Variants in ZNF430 observed in about 807,000 individuals in gnomAD.
ZNF430 encodes zinc finger protein 430.
Under a neutral mutation model 56.7 loss-of-function variants are expected in ZNF430, and 35 were observed. The ratio of observed to expected loss-of-function variants is 0.62; its 90% CI spans 0.47 to 0.82. The LOEUF is 0.82. Ranked by LOEUF, ZNF430 falls within the 40% of genes least tolerant of loss-of-function variation. The pLI is 0.00. For synonymous variants in ZNF430, 212 were observed against 224.3 expected, an observed-to-expected ratio of 0.94 and a Z score of 0.49; for missense variants, 574 against 661.0, an observed-to-expected ratio of 0.87 and a Z score of 1.44.
chr19:21,037,925 A>G (rs1968032784), intron 4 of ZNF430, among the ~76,000 whole-genome samples: 1 of 151,790 alleles, frequency 6.6e-6, no homozygotes, highest in Admixed American at 6.6e-5. Context: ...AAGTTATTTA[A>G]CTTAGTTTTA....
At position 21,057,170 on chromosome 19, in the gene ZNF430, C is replaced by A. The variant is rs140497898; in HGVS notation, c.862C>A (p.Pro288Thr). ...THKIIHTGEKPYRCEECGKTF... is the reference protein window; with the variant it reads ...THKIIHTGEKTYRCEECGKTF... ...TAAGATAATTCATACTGGAGAGAAA[C>A]CCTACAGATGTGAAGAATGTGGCAA... The change falls in exon 5 of 5, where the codon CCC becomes ACC. Residue 288 changes from proline to threonine, a missense_variant. Physicochemically the swap from Pro to Thr is conservative, Grantham distance 38. Around this residue, in one of 3 missense-constraint regions of ZNF430, gnomAD observed 346 missense variants for 399.1 expected, o/e 0.87. Transcript: ENST00000261560. The A allele has an allele frequency of 6.2e-7, 1 of 1,613,548 alleles. No individual in the cohort carries two copies. Among genetic ancestry groups the A allele is most frequent in the Non-Finnish European group, 8.5e-7 (1 of 1,179,934 alleles).
At chr19:21,038,167 T>C (rs1302947770) in intron 4 of ZNF430, among the ~76,000 whole-genome samples, 1 of 152,156 alleles carries the variant, frequency 6.6e-6, no homozygotes, top group Non-Finnish European at 1.5e-5. Context: ...TCTAAGAGAC[T>C]TATTAGTTTT....
Position 21,057,814 on chromosome 19 carries a change from A to G in ZNF430, c.1506A>G (p.Lys502=), listed in dbSNP as rs760603223. ...KAFNQFSNLT[K]HKITHIGDTS... ...TTAACCAATTCTCAAACCTTACTAA[A>G]CATAAGATAACTCATATTGGAGATA... The change falls in exon 5 of 5, where the codon AAA becomes AAG. Residue 502 remains lysine (K), a synonymous_variant. Coordinates refer to ENST00000261560, the MANE Select transcript of ZNF430 (RefSeq NM_025189.4). 3 of 1,613,984 alleles carry G rather than the reference A, an allele frequency of 1.9e-6. No individual in the cohort carries two copies. The highest frequency in any genetic ancestry group is 2.7e-5 in the African/African-American group (2 of 74,946).
chr19:21,058,210 T>C lies in ZNF430; in HGVS notation c.*189T>C. 1.7e-6 allele frequency: 1 copy of C among 581,586 alleles called. No individual in the cohort carries two copies. Among genetic ancestry groups the C allele is most frequent in the Non-Finnish European group, 3.0e-6 (1 of 334,604 alleles). The allele number at this position is 581,586 out of a possible 1,614,324, so 36.0% of individuals were successfully genotyped here. Reference sequence around the variant, plus strand: ...CTGTAATCCCAGCACTTTGGGAGGCTGAGACGGGTGAATTACATGAGGTTG... The same window carrying C: ...CTGTAATCCCAGCACTTTGGGAGGCCGAGACGGGTGAATTACATGAGGTTG... On this transcript the variant is annotated 3_prime_UTR_variant, in exon 5 of 5. Coordinates refer to ENST00000261560, the MANE Select transcript of ZNF430 (RefSeq NM_025189.4).
At position 21,058,221 on chromosome 19, in the gene ZNF430, A is replaced by G; in HGVS notation, c.*200A>G. ...GCACTTTGGGAGGCTGAGACGGGTG[A>G]ATTACATGAGGTTGGGAGTTCGAGA... On this transcript the variant is annotated 3_prime_UTR_variant, in exon 5 of 5. Transcript: ENST00000261560. 1.8e-6 allele frequency: 1 copy of G among 567,378 alleles called. No individual in the cohort carries two copies. The highest frequency in any genetic ancestry group is 3.1e-6 in the Non-Finnish European group (1 of 324,558). The allele number at this position is 567,378 out of a possible 1,614,324, so 35.1% of individuals were successfully genotyped here. A position where few individuals can be genotyped will look rare whatever the true frequency, so the allele number is the denominator to read the frequency against.
At chr19:21,055,641 A>C (rs1167884282) in intron 4 of ZNF430, among the ~76,000 whole-genome samples, 1 of 151,974 alleles carries the variant, frequency 6.6e-6, no homozygotes, top group Non-Finnish European at 1.5e-5. Context: ...TTTAGTAGAG[A>C]TGGAGTTTCA....
intron 2 of ZNF430, among the ~76,000 whole-genome samples, chr19:21,029,109 A>G (rs1967856102): frequency 6.6e-6 from 1 of 152,230 alleles, no homozygotes; most frequent in African/African-American, 2.4e-5. Flanking sequence ...CAGATAAAGT[A>G]ATTGTTTTCA....
chr19:21,056,334 C>A (rs1968376402), intron 4 of ZNF430, among the ~76,000 whole-genome samples: 1 of 151,948 alleles, frequency 6.6e-6, no homozygotes, highest in Non-Finnish European at 1.5e-5. Context: ...ACTAAAAATA[C>A]AAAAATTAGC....
chr19:21,020,663 C>CA lies in ZNF430; in HGVS notation c.-138_-137insA, dbSNP rs1974279138. The CA allele has an allele frequency of 7.6e-7, 1 of 1,314,176 alleles. No homozygotes were observed. Among genetic ancestry groups the CA allele is most frequent in the African/African-American group, 1.5e-5 (1 of 65,732 alleles). The allele number at this position is 1,314,176 out of a possible 1,614,324, so 81.4% of individuals were successfully genotyped here. A position where few individuals can be genotyped will look rare whatever the true frequency, so the allele number is the denominator to read the frequency against. ...CGGGTTTGGCGGGGCCTTTGTCCCT[C>CA]GCTGTGGCCTGAGCTCCAGGTCTCG... On this transcript the variant is annotated 5_prime_UTR_variant, in exon 1 of 5. Transcript: ENST00000261560.
chr19:21,041,785 C>G (rs910036827), intron 4 of ZNF430, among the ~76,000 whole-genome samples: 4 of 152,334 alleles, frequency 2.6e-5, no homozygotes, highest in Admixed American at 1.3e-4. Context: ...ATGATCTCAG[C>G]TCACTGCAAA....
At chr19:21,026,078 C>T (rs59609198) in intron 2 of ZNF430, 5,074 of 275,800 alleles carry the variant, frequency 0.018, 247 homozygotes, top group African/African-American at 0.11. Context: ...CGGGGTTTCA[C>T]CATGTTGACC....
intron 4 of ZNF430, among the ~76,000 whole-genome samples, chr19:21,044,024 A>G (rs544710199): frequency 1.3e-5 from 2 of 150,530 alleles, no homozygotes; most frequent in African/African-American, 4.9e-5. Context: ...ATATGGGATC[A>G]TGTCATCTGC....
chr19:21,033,472 G>A lies in ZNF430; in HGVS notation c.113G>A (p.Arg38Lys). ...SFYEKGPLTF[R>K]DVAIEFSLEE... ...GTTTTTCAGGGGCCATTGACATTTA[G>A]GGATGTGGCCATAGAATTTTCTCTG... The change falls in exon 3 of 5, where the codon AGG (arginine) becomes AAG (lysine). Residue 38 changes from arginine (R) to lysine (K), a missense_variant. Around this residue, in one of 3 missense-constraint regions of ZNF430, gnomAD observed 346 missense variants for 399.1 expected, o/e 0.87. Coordinates refer to ENST00000261560, the MANE Select transcript of ZNF430 (RefSeq NM_025189.4). 6.2e-7 allele frequency: 1 copy of A among 1,610,878 alleles called. No homozygotes were observed. The highest frequency in any genetic ancestry group is 8.5e-7 in the Non-Finnish European group (1 of 1,178,492).
At chr19:21,040,397 T>G (rs1047674641) in intron 4 of ZNF430, among the ~76,000 whole-genome samples, 1 of 152,188 alleles carries the variant, frequency 6.6e-6, no homozygotes, top group Non-Finnish European at 1.5e-5. Context: ...ATTCTTTTAG[T>G]AATCAGAAAG....
chr19:21,033,068 A>T (rs1967931277), intron 2 of ZNF430, among the ~76,000 whole-genome samples: 1 of 152,020 alleles, frequency 6.6e-6, no homozygotes, highest in Non-Finnish European at 1.5e-5. Flanking sequence ...GTGAAAAATT[A>T]TTGGGGCCGG....
In ZNF430 at chr19:21,033,493, C is replaced by T. The variant is rs570763599; in HGVS notation, c.134C>T (p.Ser45Phe). The change falls in exon 3 of 5, where the codon TCT becomes TTT. Residue 45 changes from serine to phenylalanine, a missense_variant. Coordinates refer to ENST00000261560, the MANE Select transcript of ZNF430 (RefSeq NM_025189.4). The part of the protein sequence containing the change: ...LTFRDVAIEF[S>F]LEEWQCLDTA... ...TTTAGGGATGTGGCCATAGAATTTT[C>T]TCTGGAGGAGTGGCAATGCCTGGAC... 2.7e-5 allele frequency: 44 copies of T among 1,611,758 alleles called. No homozygotes were observed. The South Asian group carries it at 4.5e-4, about 17-fold the overall frequency.
rs376347280 is a variant in ZNF430 at position 21,055,194 on chromosome 19, A to G, written c.323-1437A>G. On this transcript the variant is annotated intron_variant, in intron 4 of 4. Coordinates refer to ENST00000261560, the MANE Select transcript of ZNF430 (RefSeq NM_025189.4). The stretch of plus-strand genomic sequence containing the variant: ...TTTATGGTTTCTCTCTGAAACTTTT[A>G]TATTTTTGATAAAACCATATTGCCT... Among the ~76,000 whole-genome samples, 57 of 152,008 alleles carry G rather than the reference A, an allele frequency of 3.7e-4. 1 individual carries two copies. The highest frequency in any genetic ancestry group is 1.2e-3 in the African/African-American group (49 of 41,486).
At chr19:21,031,995 C>T (rs1967910565) in intron 2 of ZNF430, among the ~76,000 whole-genome samples, 1 of 152,250 alleles carries the variant, frequency 6.6e-6, no homozygotes, top group Middle Eastern at 3.4e-3. Flanking sequence ...AGAATTCCTA[C>T]CATAAATTTA....
intron 4 of ZNF430, among the ~76,000 whole-genome samples, chr19:21,039,227 G>T (rs540211308): frequency 1.3e-5 from 2 of 152,158 alleles, no homozygotes; most frequent in Admixed American, 1.3e-4. Context: ...GGGATTACGG[G>T]CATGAGCCAC....
Sources: gnomAD v4.1 joint callset for allele counts (sites outside exome capture counted in the v4.1 genomes callset) on GRCh38, gnomAD v4.1.1 for gene constraint, gnomAD v4.1.1 regional missense constraint, MANE v1.5 for transcripts, NCBI Gene and HGNC (gene_info 2026-07-23, HGNC 2026-07-21) for gene names.